The following HERC5 variants were observed in gnomAD, a reference collection of about 807,000 sequenced individuals.
The protein encoded by HERC5 is HECT and RLD domain containing E3 ubiquitin protein ligase 5, also known as E3 ISG15--protein ligase HERC5.
In HERC5, 99 loss-of-function variants were observed where a neutral mutation model predicts 119.6. The ratio of observed to expected loss-of-function variants is 0.83; its 90% CI spans 0.70 to 0.98. HERC5 has a LOEUF of 0.98. HERC5 is among the 50% of genes least tolerant of loss of function. HERC5 has a pLI of 0.00. For missense variants in HERC5, 1,267 were observed against 1,241.3 expected (o/e 1.02, Z -0.31); for synonymous variants, 478 against 445.9 (o/e 1.07, Z -0.91).
At chr4:88,476,127 CA>C (rs1450167468) in intron 12 of HERC5, 97 bp downstream of exon 12, 5 of 965,008 alleles carry the variant, frequency 5.2e-6, no homozygotes, top group Non-Finnish European at 7.7e-6. Flanking sequence ...GAAATGTATT[CA>C]TTTTTTTTTA....
At chr4:88,459,258 C>T (rs1740320003) in intron 1 of HERC5, 89 bp from the exon 2 acceptor site, 5 of 1,139,392 alleles carry the variant, frequency 4.4e-6, no homozygotes, top group Non-Finnish European at 5.8e-6. Context: ...AAATTTTTCC[C>T]AGATGTTTTA....
chr4:88,479,375 A>G lies in HERC5; in HGVS notation c.1605A>G (p.Gln535=). The G allele has an allele frequency of 2.5e-6, 4 of 1,607,784 alleles. No individual in the cohort carries two copies. The highest frequency in any genetic ancestry group is 4.5e-5 in the East Asian group (2 of 44,810). ...LVLEEYWATL[Q]ESTFSKLVQM... ...CAGAAGAGTATTGGGCAACTCTGCA[A>G]GAATCCACTTTCAGCAAACTGGTCC... Residue 535 remains glutamine, a synonymous_variant, in exon 13 of 23, where the codon CAA becomes CAG. Coordinates refer to ENST00000264350, the MANE Select transcript of HERC5 (RefSeq NM_016323.4).
At chr4:88,468,955 C>G (rs1740771356) in intron 8 of HERC5, among the ~76,000 whole-genome samples, 1 of 152,160 alleles carries the variant, frequency 6.6e-6, no homozygotes, top group Admixed American at 6.5e-5. Context: ...AATTTACTTT[C>G]AGTCTAAGCC....
intron 5 of HERC5, 53 bp from the exon 6 acceptor site, chr4:88,463,799 ATAC>A: frequency 6.3e-7 from 1 of 1,589,738 alleles, no homozygotes; most frequent in South Asian, 1.1e-5. Context: ...GCATCAGTGA[ATAC>A]TACTTTTTTA....
intron 12 of HERC5, among the ~76,000 whole-genome samples, chr4:88,477,706 A>G (rs531101334): frequency 5.9e-4 from 90 of 152,212 alleles, no homozygotes; most frequent in African/African-American, 1.5e-3. Context: ...CTATCCCTGT[A>G]TTTCCAGTAC....
In HERC5 at chr4:88,463,624, G is replaced by A; in HGVS notation, c.780+1G>A. On this transcript the variant is annotated splice_donor_variant, in intron 5 of 22. Transcript: ENST00000264350. LOFTEE classifies it high-confidence loss of function. ...CTCTCACAGTGCCCTACTCACACAG[G>A]TGGGTGTACCCTTGTCTCTTTTTGG... 3 of 1,611,686 alleles carry A rather than the reference G, an allele frequency of 1.9e-6. No homozygotes were observed. The highest frequency in any genetic ancestry group is 2.5e-6 in the Non-Finnish European group (3 of 1,178,004).
At chr4:88,502,714 CAT>C (rs1741980892) in intron 20 of HERC5, among the ~76,000 whole-genome samples, 1 of 152,108 alleles carries the variant, frequency 6.6e-6, no homozygotes, top group African/African-American at 2.4e-5. Context: ...TTAAATTAGC[CAT>C]TCTGGTGGGT....
intron 15 of HERC5, 61 bp from the exon 16 acceptor site, chr4:88,489,105 T>G (rs921237847): frequency 2.7e-6 from 4 of 1,459,494 alleles, no homozygotes; most frequent in Non-Finnish European, 2.8e-6. Context: ...CTTTCCAAAT[T>G]TTTACTTAGA....
chr4:88,475,713 A>C (rs1741041173), intron 11 of HERC5, 128 bp from the exon 12 acceptor site: 1 of 796,246 alleles, frequency 1.3e-6, no homozygotes, highest in Non-Finnish European at 2.1e-6. Context: ...GTTTTAGAAA[A>C]CTCAATGATT....
rs1215220155 is a variant in HERC5, at chr4:88,475,387, C to T, written c.1393-454C>T. Among the ~76,000 whole-genome samples the T allele has an allele frequency of 2.8e-5, 4 of 143,328 alleles. No individual in the cohort carries two copies. In the Admixed American group the frequency reaches 2.9e-4, roughly 10 times the overall value. 94.0% of individuals were successfully genotyped at this position (143,328 alleles called of 152,430 possible). ...TGCCTGGAGTGCAGTGACACAATCTCGGCTCACTGCAACCTCTGCCTCCCA... is the reference window on the plus strand; with the variant it reads ...TGCCTGGAGTGCAGTGACACAATCTTGGCTCACTGCAACCTCTGCCTCCCA... On this transcript the variant is annotated intron_variant, in intron 11 of 22. Transcript: ENST00000264350.
chr4:88,483,103 G>A (rs1412336320), intron 13 of HERC5, among the ~76,000 whole-genome samples: 1 of 152,088 alleles, frequency 6.6e-6, no homozygotes, highest in African/African-American at 2.4e-5. Context: ...AAATAGAAGT[G>A]GGGGAACAGT....
At chr4:88,503,441 A>G (rs1041035168) in intron 20 of HERC5, among the ~76,000 whole-genome samples, 11 of 152,136 alleles carry the variant, frequency 7.2e-5, no homozygotes, top group Non-Finnish European at 1.6e-4. Context: ...TCTGTCCTTA[A>G]AAATTTTTTT....
rs1055984001 is a variant in HERC5, at chr4:88,457,231, C to G, written c.-39C>G. 19 of 1,294,680 alleles carry G rather than the reference C, an allele frequency of 1.5e-5. No individual in the cohort carries two copies. The South Asian group carries it at 3.8e-4, about 26-fold the overall frequency. 80.2% of individuals were successfully genotyped at this position (1,294,680 alleles called of 1,614,324 possible). A position where few individuals can be genotyped will look rare whatever the true frequency, so the allele number is the denominator to read the frequency against. ...GCTCAGTCCCGGGACCAGGCGTTCT[C>G]TCCTCTCGCCTCTGGGCCTGGGACC... On this transcript the variant is annotated 5_prime_UTR_variant, in exon 1 of 23. Coordinates refer to ENST00000264350, the MANE Select transcript of HERC5 (RefSeq NM_016323.4).
chr4:88,467,820 A>G, intron 7 of HERC5: 13 of 877,946 alleles, frequency 1.5e-5, no homozygotes, highest in Non-Finnish European at 1.8e-5. Context: ...ACTCCATTGT[A>G]GAAGCACCTT....
At chr4:88,501,023 A>G (rs1383645813) in intron 20 of HERC5, 38 bp downstream of exon 20, 1 of 1,410,952 alleles carries the variant, frequency 7.1e-7, no homozygotes, top group East Asian at 2.3e-5. Flanking sequence ...TTGTATATGT[A>G]CTATTTTTAT....
chr4:88,471,232 A>G (rs1388862778), intron 10 of HERC5, among the ~76,000 whole-genome samples: 6 of 152,044 alleles, frequency 3.9e-5, no homozygotes, highest in Admixed American at 1.3e-4. Context: ...GGCCTCCCCA[A>G]GTGCTGGGAT....
chr4:88,500,625 A>G (rs574444854), intron 19 of HERC5, among the ~76,000 whole-genome samples: 83 of 152,370 alleles, frequency 5.4e-4, no homozygotes, highest in African/African-American at 1.9e-3. Flanking sequence ...TTGTAAATCT[A>G]CCATACTGGG....
At chr4:88,500,064 G>A in intron 19 of HERC5, 72 bp downstream of exon 19, 1 of 916,870 alleles carries the variant, frequency 1.1e-6, no homozygotes, top group Non-Finnish European at 1.7e-6. Flanking sequence ...AACTAAACAT[G>A]TCAACTTTTA....
Position 88,504,243 on chromosome 4 carries a change from T to C in HERC5, c.2594T>C (p.Val865Ala). Residue 865 changes from valine to alanine, a missense_variant, in exon 21 of 23, where the codon GTT becomes GCT. By Grantham distance (64) the Val-to-Ala change is moderately conservative. This residue lies in a region of HERC5 where 473 missense variants were observed against 445.7 expected (regional missense o/e 1.06). Transcript: ENST00000264350. ...TTGTTTTATTAAAGGAGAGACTATG[T>C]TTCTAAGTATATCAATTACATTTTC... ...TVNQTNKRDY[V>A]SKYINYIFND... is the part of the protein sequence containing the mutation. 1.3e-6 allele frequency: 2 copies of C among 1,595,940 alleles called. No individual in the cohort carries two copies. The highest frequency in any genetic ancestry group is 1.7e-6 in the Non-Finnish European group (2 of 1,166,310).
Sources: allele counts gnomAD v4.1 joint callset (sites outside exome capture counted in the v4.1 genomes callset), GRCh38; gene constraint gnomAD v4.1.1; regional missense constraint gnomAD v4.1.1; transcripts MANE v1.5; gene names NCBI Gene and HGNC (gene_info 2026-07-23, HGNC 2026-07-21).